Variants in ANXA8 observed in about 807,000 individuals in gnomAD.
ANXA8 encodes annexin A8.
A neutral mutation model predicts 26.8 loss-of-function variants in ANXA8; 9 were observed. The observed-to-expected ratio is 0.34, with a 90% confidence interval of 0.20 to 0.59. The LOEUF is 0.59. Ranked by LOEUF, ANXA8 falls within the 20% of genes least tolerant of loss-of-function variation. ANXA8 has a pLI of 0.84. For synonymous variants in ANXA8, 39 were observed against 94.8 expected, an observed-to-expected ratio of 0.41 and a Z score of 3.42; for missense variants, 83 against 238.5, an observed-to-expected ratio of 0.35 and a Z score of 4.29.
At chr10:47,552,139 G>A in the ANXA8 span, among the ~76,000 whole-genome samples, 1 of 151,682 alleles carries the variant, frequency 6.6e-6, no homozygotes. Flanking sequence ...TAAATTAGAT[G>A]AGTTACCTCT....
In ANXA8 at chr10:47,483,776, C is replaced by G. The variant is rs1839942297; in HGVS notation, c.21+137G>C. ...TTCTTCTCGGCCCCTTCCCACCCTC[C>G]ATGCTTGGCCCAGGAGGCAGCCAAA... On this transcript the variant is annotated intron_variant, in intron 1 of 11. Transcript: ENST00000585281. 4 of 1,600,800 alleles carry G rather than the reference C, an allele frequency of 2.5e-6. No homozygotes were observed. The Admixed American group carries it at 6.8e-5, about 27-fold the overall frequency.
At chr10:47,960,374 G>A in the ANXA8 span, among the ~76,000 whole-genome samples, 5 of 143,310 alleles carry the variant, frequency 3.5e-5, no homozygotes, top group Admixed American at 6.9e-5. Context: ...AATAACTCTG[G>A]CAGAACACTG....
chr10:47,970,833 G>A, the ANXA8 span, among the ~76,000 whole-genome samples: 3 of 151,306 alleles, frequency 2.0e-5, no homozygotes, highest in Admixed American at 6.6e-5. Context: ...TGGGAGGATG[G>A]CGAAGGCTGG....
chr10:47,729,759 G>A, the ANXA8 span, among the ~76,000 whole-genome samples: 4 of 143,814 alleles, frequency 2.8e-5, no homozygotes, highest in Non-Finnish European at 6.2e-5. Context: ...TCACTCTGGA[G>A]TGCCTCAATA....
the ANXA8 span, among the ~76,000 whole-genome samples, chr10:47,566,430 C>A: frequency 6.6e-6 from 1 of 151,692 alleles, no homozygotes; most frequent in South Asian, 2.1e-4. Flanking sequence ...GCCGCAGAAA[C>A]CCCCTTCTTC....
At chr10:47,688,693 T>C in the ANXA8 span, among the ~76,000 whole-genome samples, 1 of 151,664 alleles carries the variant, frequency 6.6e-6, no homozygotes, top group Non-Finnish European at 1.5e-5. Context: ...AGTGCTGTGA[T>C]TACAGGCGTG....
chr10:47,969,075 C>T, the ANXA8 span, among the ~76,000 whole-genome samples: 1 of 149,496 alleles, frequency 6.7e-6, no homozygotes. Context: ...AGGCCCCTGA[C>T]ACGTGGAAAG....
At chr10:47,730,686 C>T in the ANXA8 span, among the ~76,000 whole-genome samples, 1 of 149,340 alleles carries the variant, frequency 6.7e-6, no homozygotes. Context: ...CAATATGTAG[C>T]AGATCCCTGG....
chr10:47,986,680 A>T, the ANXA8 span: 1 of 360,582 alleles, frequency 2.8e-6, no homozygotes, highest in South Asian at 2.1e-5. Context: ...TGTTCAACAC[A>T]ACGCGTCACT....
At chr10:47,694,195 A>C in the ANXA8 span, among the ~76,000 whole-genome samples, 1 of 151,712 alleles carries the variant, frequency 6.6e-6, no homozygotes, top group Non-Finnish European at 1.5e-5. Flanking sequence ...GATGATTTCT[A>C]TGAACTTTTT....
At chr10:47,636,663 T>C in the ANXA8 span, among the ~76,000 whole-genome samples, 1 of 151,324 alleles carries the variant, frequency 6.6e-6, no homozygotes, top group African/African-American at 2.4e-5. Context: ...GGTGGTAGTA[T>C]ATTTTTAAGA....
the ANXA8 span, among the ~76,000 whole-genome samples, chr10:47,918,356 G>GGAGAGA: frequency 2.8e-4 from 5 of 17,744 alleles, 1 homozygote; most frequent in East Asian, 1.6e-3. Context: ...GGGGAGGGAG[G>GGAGAGA]GAGAGAGAGA....
the ANXA8 span, among the ~76,000 whole-genome samples, chr10:47,975,725 C>T: frequency 1.2e-4 from 18 of 150,856 alleles, no homozygotes; most frequent in Non-Finnish European, 2.1e-4. Flanking sequence ...ATCATTATTA[C>T]TATAATTACT....
chr10:47,778,005 G>A, the ANXA8 span, among the ~76,000 whole-genome samples: 1 of 151,922 alleles, frequency 6.6e-6, no homozygotes. Flanking sequence ...CAAAAATGCA[G>A]ACTTGTACCA....
chr10:47,497,412 T>TG, the ANXA8 span, among the ~76,000 whole-genome samples: 1 of 131,046 alleles, frequency 7.6e-6, no homozygotes, highest in Non-Finnish European at 1.6e-5. Context: ...GGTCAGGAGT[T>TG]GGAGACCAGC....
the ANXA8 span, among the ~76,000 whole-genome samples, chr10:47,675,426 G>A: frequency 1.3e-5 from 2 of 151,728 alleles, no homozygotes; most frequent in Non-Finnish European, 1.5e-5. Context: ...AAAATTGGTG[G>A]CTTGGCTATG....
At chr10:47,946,681 C>T in the ANXA8 span, among the ~76,000 whole-genome samples, 1 of 150,974 alleles carries the variant, frequency 6.6e-6, no homozygotes. Context: ...TGTTTGTCCT[C>T]CACAGTTGCT....
chr10:47,743,936 C>G, the ANXA8 span, among the ~76,000 whole-genome samples: 430 of 122,816 alleles, frequency 3.5e-3, no homozygotes, highest in East Asian at 0.014. Context: ...AAGCCAGGAG[C>G]ATCCAAGCAG....
the ANXA8 span, among the ~76,000 whole-genome samples, chr10:47,982,796 C>A: frequency 1.7e-4 from 4 of 23,866 alleles, no homozygotes; most frequent in South Asian, 2.2e-3. Context: ...GAAGTATTTG[C>A]AAATCATATA....
Sources: allele counts gnomAD v4.1 joint callset (sites outside exome capture counted in the v4.1 genomes callset), GRCh38; gene constraint gnomAD v4.1.1; transcripts MANE v1.5; gene names NCBI Gene and HGNC (gene_info 2026-07-23, HGNC 2026-07-21).